The following PALM2AKAP2 variants were observed in gnomAD, a reference collection of about 807,000 sequenced individuals.
PALM2AKAP2 encodes PALM2-AKAP2 fusion protein.
Under a neutral mutation model 71.5 loss-of-function variants are expected in PALM2AKAP2, and 37 were observed. The observed-to-expected ratio is 0.52, with a 90% CI of 0.40 to 0.68. PALM2AKAP2 has a LOEUF of 0.68. PALM2AKAP2 is among the 30% of genes least tolerant of loss of function. The pLI, the probability that PALM2AKAP2 is intolerant of heterozygous loss-of-function variation, is 0.00. For missense variants in PALM2AKAP2, 1,224 were observed against 1,191.8 expected, an observed-to-expected ratio of 1.03 and a Z score of -0.40; for synonymous variants, 468 against 478.8, an observed-to-expected ratio of 0.98 and a Z score of 0.29.
chr9:110,104,170 C>T (rs1835061945), intron 1 of PALM2AKAP2, among the ~76,000 whole-genome samples: 1 of 102,192 alleles, frequency 9.8e-6, no homozygotes, highest in Admixed American at 1.7e-4. Context: ...TACAAGATTT[C>T]TGCTTTTTTT....
chr9:109,948,972 G>A (rs951139780), intron 6 of PALM2AKAP2, among the ~76,000 whole-genome samples: 6 of 152,020 alleles, frequency 3.9e-5, no homozygotes, highest in African/African-American at 7.2e-5. Context: ...AAAAAAAAAC[G>A]CAGGTTGTAT....
At chr9:109,841,325 T>A (rs1156843354) in intron 1 of PALM2AKAP2, among the ~76,000 whole-genome samples, 16 of 146,370 alleles carry the variant, frequency 1.1e-4, no homozygotes, top group South Asian at 6.8e-4. Context: ...ATGAGAACAC[T>A]TGGACACAGG....
rs912331628 is a variant in PALM2AKAP2 at position 110,080,092 on chromosome 9, A to G, written c.156+31237A>G. Among the ~76,000 whole-genome samples the G allele has an allele frequency of 9.0e-3, 1,311 of 145,114 alleles. 22 individuals carry two copies. The highest frequency in any genetic ancestry group is 0.032 in the African/African-American group (1,271 of 39,532). ...CTCAAAAAAAAAAAAAAAAAAAAAA[A>G]AAATAGAAGATTAAGGATCCCTATC... is the stretch of plus-strand genomic sequence containing the variant. On this transcript the variant is annotated intron_variant, in intron 1 of 3. Coordinates refer to ENST00000374525, the Ensembl canonical transcript of PALM2AKAP2.
intron 1 of PALM2AKAP2, among the ~76,000 whole-genome samples, chr9:110,095,367 C>T (rs769162660): frequency 1.3e-5 from 2 of 152,104 alleles, no homozygotes; most frequent in Non-Finnish European, 2.9e-5. Context: ...AAGAGGACAC[C>T]GCAGCCTTGC....
intron 1 of PALM2AKAP2, among the ~76,000 whole-genome samples, chr9:110,108,871 A>G (rs2118922084): frequency 6.6e-6 from 1 of 152,298 alleles, no homozygotes; most frequent in South Asian, 2.1e-4. Context: ...GGGGAAGTAA[A>G]GGATTGACAG....
At chr9:109,849,580 T>G (rs1043523045) in intron 1 of PALM2AKAP2, among the ~76,000 whole-genome samples, 4 of 151,992 alleles carry the variant, frequency 2.6e-5, no homozygotes, top group African/African-American at 9.7e-5. Context: ...AAACTCCGTC[T>G]CTACTAAAAA....
chr9:109,640,878 C>G, intron 1 of PALM2AKAP2: 2 of 1,516,042 alleles, frequency 1.3e-6, no homozygotes, highest in Non-Finnish European at 1.8e-6. Flanking sequence ...TGAGTATCCC[C>G]GAGCCGCGCC....
chr9:110,171,657 A>G (rs1286724010), exon 4 of PALM2AKAP2: 2 of 152,242 alleles, frequency 1.3e-5, no homozygotes, highest in Non-Finnish European at 2.9e-5. Flanking sequence ...CCCTGGAGGA[A>G]AGTCATTCCT....
chr9:109,887,419 T>C (rs796686948), intron 3 of PALM2AKAP2, among the ~76,000 whole-genome samples: 14 of 152,350 alleles, frequency 9.2e-5, no homozygotes, highest in African/African-American at 3.4e-4. Flanking sequence ...TCAGCCACAT[T>C]TGCAGCCCAA....
intron 3 of PALM2AKAP2, among the ~76,000 whole-genome samples, chr9:110,163,223 A>G (rs1031373618): frequency 3.9e-5 from 6 of 151,972 alleles, no homozygotes; most frequent in Admixed American, 6.6e-5. Context: ...AGAATTCTAG[A>G]GAGAATCATT....
intron 1 of PALM2AKAP2, among the ~76,000 whole-genome samples, chr9:109,838,903 A>G (rs950580861): frequency 6.6e-6 from 1 of 152,182 alleles, no homozygotes; most frequent in Non-Finnish European, 1.5e-5. Flanking sequence ...ATAGCCTACC[A>G]ACCAAAAAAA....
At chr9:110,030,006 A>C (rs748726306) in intron 7 of PALM2AKAP2, among the ~76,000 whole-genome samples, 7 of 152,232 alleles carry the variant, frequency 4.6e-5, no homozygotes, top group Non-Finnish European at 5.9e-5. Context: ...GGATTCATAG[A>C]GTAGGGGCCA....
At chr9:109,826,849 G>T (rs1828162679) in intron 1 of PALM2AKAP2, among the ~76,000 whole-genome samples, 1 of 152,126 alleles carries the variant, frequency 6.6e-6, no homozygotes, top group Admixed American at 6.5e-5. Flanking sequence ...TTTGTAAACG[G>T]ACATAATTGA....
intron 1 of PALM2AKAP2, among the ~76,000 whole-genome samples, chr9:110,051,585 A>G (rs1833711362): frequency 6.6e-6 from 1 of 152,196 alleles, no homozygotes; most frequent in Non-Finnish European, 1.5e-5. Flanking sequence ...TCAAATGAAG[A>G]TGAAATTGAA....
At chr9:109,795,896 G>T (rs928441843) in intron 1 of PALM2AKAP2, among the ~76,000 whole-genome samples, 1 of 152,226 alleles carries the variant, frequency 6.6e-6, no homozygotes, top group Non-Finnish European at 1.5e-5. Context: ...CCATATGGGC[G>T]AGCAGAGGTG....
upstream of PALM2AKAP2, among the ~76,000 whole-genome samples, chr9:109,777,972 G>C (rs1162804419): frequency 6.6e-6 from 1 of 152,138 alleles, no homozygotes; most frequent in Non-Finnish European, 1.5e-5. Context: ...ATTTCCAACT[G>C]ATCACTTCCA....
At chr9:110,025,974 A>G (rs1833175277) in intron 7 of PALM2AKAP2, among the ~76,000 whole-genome samples, 1 of 151,910 alleles carries the variant, frequency 6.6e-6, no homozygotes, top group Non-Finnish European at 1.5e-5. Context: ...GGTGCACTCA[A>G]CTCACACTTC....
intron 1 of PALM2AKAP2, among the ~76,000 whole-genome samples, chr9:109,719,147 G>A (rs1201122501): frequency 2.6e-5 from 4 of 152,194 alleles, no homozygotes; most frequent in Non-Finnish European, 4.4e-5. Flanking sequence ...ATTAGATATC[G>A]AGGAACAAAA....
intron 1 of PALM2AKAP2, among the ~76,000 whole-genome samples, chr9:109,790,224 C>T (rs1827078284): frequency 6.6e-6 from 1 of 152,074 alleles, no homozygotes; most frequent in Non-Finnish European, 1.5e-5. Flanking sequence ...GGCTTTTAGG[C>T]TCTAGACAGC....
Sources: allele counts gnomAD v4.1 joint callset (sites outside exome capture counted in the v4.1 genomes callset), GRCh38; gene constraint gnomAD v4.1.1; transcripts MANE v1.5; gene names NCBI Gene and HGNC (gene_info 2026-07-23, HGNC 2026-07-21).